RGS6: variants seen among roughly 807,000 people sequenced by gnomAD.
RGS6 encodes the protein regulator of G-protein signaling 6.
Under a neutral mutation model 78.5 loss-of-function variants are expected in RGS6, and 30 were observed. That is an observed-to-expected ratio of 0.38 (90% CI 0.29 to 0.52). The LOEUF (loss-of-function observed/expected upper bound fraction) is 0.52, where lower values mean the gene tolerates loss of function less well. Ranked by LOEUF, RGS6 falls within the 20% of genes least tolerant of loss-of-function variation. The pLI, the probability that RGS6 is intolerant of heterozygous loss-of-function variation, is 0.85. For missense variants in RGS6, 495 were observed against 609.7 expected, an observed-to-expected ratio of 0.81 and a Z score of 1.98; for synonymous variants, 206 against 206.0, an observed-to-expected ratio of 1.00 and a Z score of 0.00.
At chr14:71,911,443 G>T in the RGS6 span, among the ~76,000 whole-genome samples, 2 of 152,290 alleles carry the variant, frequency 1.3e-5, no homozygotes, top group East Asian at 1.9e-4. Flanking sequence ...AAATGAGCAG[G>T]GTTTGAAATA....
chr14:71,895,827 G>C, the RGS6 span, among the ~76,000 whole-genome samples: 2 of 152,132 alleles, frequency 1.3e-5, no homozygotes, highest in Admixed American at 1.3e-4. Context: ...CATGGCAGGC[G>C]CTCCCTGCCA....
At chr14:72,041,890 G>C (rs377725264) in intron 2 of RGS6, among the ~76,000 whole-genome samples, 1 of 152,164 alleles carries the variant, frequency 6.6e-6, no homozygotes, top group African/African-American at 2.4e-5. Context: ...CAGTGTATGA[G>C]AGTAGAAATG....
At chr14:72,347,034 G>C (rs2681740) in intron 2 of RGS6, among the ~76,000 whole-genome samples, 42,009 of 152,168 alleles carry the variant, frequency 0.28, 6,010 homozygotes, top group South Asian at 0.42. Context: ...GCCCATCCAG[G>C]CAGAACCAGC....
intron 2 of RGS6, among the ~76,000 whole-genome samples, chr14:72,271,028 C>T (rs925388970): frequency 9.2e-5 from 14 of 152,118 alleles, no homozygotes; most frequent in South Asian, 6.2e-4. Flanking sequence ...GAAACCCATG[C>T]CTTTTGTTCA....
At chr14:72,400,858 G>A (rs201763067) in intron 3 of RGS6, among the ~76,000 whole-genome samples, 150 of 152,260 alleles carry the variant, frequency 9.9e-4, no homozygotes, top group African/African-American at 3.4e-3. Context: ...GGAGAAGCTC[G>A]GTCTTTTCCA....
intron 2 of RGS6, among the ~76,000 whole-genome samples, chr14:72,337,272 A>T (rs532984180): frequency 1.5e-5 from 2 of 130,638 alleles, no homozygotes; most frequent in African/African-American, 5.9e-5. Flanking sequence ...CCTAACCAAC[A>T]CCCCCTCCCC....
chr14:72,412,070 C>T lies in RGS6; in HGVS notation c.185-42458C>T, dbSNP rs556147746. 2.7e-3 allele frequency among the ~76,000 whole-genome samples: 407 copies of T among 152,160 alleles called. 3 individuals are homozygous for T. The highest frequency in any genetic ancestry group is 4.3e-3 in the Non-Finnish European group (290 of 67,998). ...CTGCCAGGCTTTGGTATCAGGATGACGCTGGCCTCATAAAATGAGTTAGGA... is the reference window on the plus strand; with the variant it reads ...CTGCCAGGCTTTGGTATCAGGATGATGCTGGCCTCATAAAATGAGTTAGGA... On this transcript the variant is annotated intron_variant, in intron 3 of 17. Coordinates refer to ENST00000553525, the MANE Select transcript of RGS6 (RefSeq NM_001204424.2).
At chr14:72,324,936 C>T (rs1225342834) in intron 2 of RGS6, among the ~76,000 whole-genome samples, 1 of 152,240 alleles carries the variant, frequency 6.6e-6, no homozygotes, top group Admixed American at 6.5e-5. Flanking sequence ...ACCACACTGT[C>T]TTCCACAATG....
chr14:72,496,024 A>ACT (rs33973624), intron 13 of RGS6, among the ~76,000 whole-genome samples: 116,888 of 152,010 alleles, frequency 0.77, 45,478 homozygotes, highest in East Asian at 0.96. Context: ...TGTCTCTGTC[A>ACT]CTCACATTGT....
intron 2 of RGS6, among the ~76,000 whole-genome samples, chr14:72,175,776 A>G (rs148929799): frequency 2.0e-5 from 3 of 152,214 alleles, no homozygotes; most frequent in Admixed American, 1.3e-4. Context: ...CGTGCTTTCT[A>G]AGTATCAGCT....
At chr14:72,544,423 A>G (rs1450706447) in intron 17 of RGS6, among the ~76,000 whole-genome samples, 1 of 152,140 alleles carries the variant, frequency 6.6e-6, no homozygotes, top group Non-Finnish European at 1.5e-5. Flanking sequence ...TGAGAGCTTC[A>G]TCAGCTCCAG....
chr14:72,578,929 C>G, the RGS6 span, among the ~76,000 whole-genome samples: 1 of 152,214 alleles, frequency 6.6e-6, no homozygotes, highest in East Asian at 1.9e-4. Context: ...GGGGAATAAG[C>G]AAGTGGGGTG....
At chr14:72,110,418 C>T (rs1210351747) in intron 2 of RGS6, among the ~76,000 whole-genome samples, 1 of 152,194 alleles carries the variant, frequency 6.6e-6, no homozygotes, top group Admixed American at 6.5e-5. Context: ...TCATTGGCCT[C>T]TCTATCCCCT....
At chr14:72,458,722 G>A (rs1029928941) in intron 5 of RGS6, among the ~76,000 whole-genome samples, 8 of 152,162 alleles carry the variant, frequency 5.3e-5, no homozygotes, top group East Asian at 3.9e-4. Context: ...CAGCAGATTC[G>A]GTGTCTGGTG....
intron 12 of RGS6, among the ~76,000 whole-genome samples, chr14:72,489,594 AAGAGAGCGGATGACACAGGCAC>A (rs2096549107): frequency 6.6e-6 from 1 of 152,228 alleles, no homozygotes; most frequent in Non-Finnish European, 1.5e-5. Flanking sequence ...TAAGACAAAA[AAGAGAGCGGATGACACAGGCAC>A]AGAAGAAAGC....
intron 12 of RGS6, among the ~76,000 whole-genome samples, chr14:72,484,812 C>A (rs2096457569): frequency 6.6e-6 from 1 of 152,024 alleles, no homozygotes; most frequent in African/African-American, 2.4e-5. Flanking sequence ...GCTGTTAGCT[C>A]AGCTCTAACA....
chr14:72,070,077 A>G (rs1437608797), intron 2 of RGS6, among the ~76,000 whole-genome samples: 1 of 151,792 alleles, frequency 6.6e-6, no homozygotes, highest in African/African-American at 2.4e-5. Flanking sequence ...TAAACTATAC[A>G]TTTTGTTTTT....
chr14:72,370,618 A>T (rs1422671679), intron 3 of RGS6, among the ~76,000 whole-genome samples: 1 of 152,186 alleles, frequency 6.6e-6, no homozygotes, highest in Non-Finnish European at 1.5e-5. Flanking sequence ...CAACTATATT[A>T]AACAAATTTA....
At chr14:72,340,310 C>T (rs894798785) in intron 2 of RGS6, among the ~76,000 whole-genome samples, 5 of 152,104 alleles carry the variant, frequency 3.3e-5, no homozygotes, top group Admixed American at 2.0e-4. Context: ...AAGAAAATGC[C>T]TGGGGAAGAT....
Sources: gnomAD v4.1 joint callset for allele counts (sites outside exome capture counted in the v4.1 genomes callset) on GRCh38, gnomAD v4.1.1 for gene constraint, MANE v1.5 for transcripts, NCBI Gene and HGNC (gene_info 2026-07-23, HGNC 2026-07-21) for gene names.